The following CNTN4 variants were observed in gnomAD, a reference collection of about 807,000 sequenced individuals.
CNTN4 encodes the protein contactin 4.
In CNTN4, 77 loss-of-function variants were observed where a neutral mutation model predicts 122.5. That is an observed-to-expected ratio of 0.63 (90% CI 0.52 to 0.76). The LOEUF (loss-of-function observed/expected upper bound fraction) is 0.76. Ranked by LOEUF, CNTN4 falls within the 30% of genes least tolerant of loss-of-function variation. The pLI is 0.00. For missense variants in CNTN4, 1,256 were observed against 1,259.1 expected, an observed-to-expected ratio of 1.00 and a Z score of 0.04; for synonymous variants, 512 against 447.0, an observed-to-expected ratio of 1.15 and a Z score of -1.83.
intron 6 of CNTN4, among the ~76,000 whole-genome samples, chr3:2,784,966 A>G (rs1337427662): frequency 6.6e-6 from 1 of 152,200 alleles, no homozygotes. Context: ...ATACTTGAGT[A>G]GTTCCTGCTT....
At chr3:2,485,565 G>A (rs1311449899) in intron 3 of CNTN4, among the ~76,000 whole-genome samples, 1 of 152,120 alleles carries the variant, frequency 6.6e-6, no homozygotes, top group East Asian at 1.9e-4. Flanking sequence ...TCGGCACTCT[G>A]TGTCTAGTTC....
At chr3:2,102,211 C>G (rs2032036050) in intron 2 of CNTN4, among the ~76,000 whole-genome samples, 1 of 152,176 alleles carries the variant, frequency 6.6e-6, no homozygotes, top group Non-Finnish European at 1.5e-5. Context: ...AGGACACTTT[C>G]CACATTGCAG....
At chr3:3,000,466 A>G (rs1695927336) in intron 14 of CNTN4, among the ~76,000 whole-genome samples, 1 of 152,246 alleles carries the variant, frequency 6.6e-6, no homozygotes. Flanking sequence ...ATCAGAGGGC[A>G]GTACCATAAG....
chr3:2,163,200 A>G (rs1336143728), intron 2 of CNTN4, among the ~76,000 whole-genome samples: 1 of 152,212 alleles, frequency 6.6e-6, no homozygotes, highest in African/African-American at 2.4e-5. Context: ...ATAAAGCCAA[A>G]TACTCATAGC....
intron 2 of CNTN4, among the ~76,000 whole-genome samples, chr3:2,116,947 A>G (rs2033395131): frequency 6.6e-6 from 1 of 152,122 alleles, no homozygotes; most frequent in African/African-American, 2.4e-5. Flanking sequence ...AATAGAGAAG[A>G]TTTTTGTGAC....
chr3:2,288,469 G>A (rs963305320), intron 2 of CNTN4, among the ~76,000 whole-genome samples: 2 of 152,226 alleles, frequency 1.3e-5, no homozygotes, highest in Middle Eastern at 6.8e-3. Flanking sequence ...CATTTTTGAG[G>A]TATCTATCTC....
intron 13 of CNTN4, among the ~76,000 whole-genome samples, chr3:2,950,116 C>A (rs573437667): frequency 1.3e-5 from 2 of 152,334 alleles, no homozygotes; most frequent in South Asian, 4.1e-4. Flanking sequence ...AGTTGTCGAA[C>A]ATGTGGACTT....
intron 4 of CNTN4, among the ~76,000 whole-genome samples, chr3:2,637,203 A>G (rs190887921): frequency 2.0e-5 from 3 of 151,990 alleles, no homozygotes; most frequent in African/African-American, 7.2e-5. Context: ...TGGCTTTTCA[A>G]AGTGCTAGGA....
Position 2,833,761 on chromosome 3 carries a change from C to A in CNTN4, c.454+14180C>A, listed in dbSNP as rs375444720. Among the ~76,000 whole-genome samples the A allele has an allele frequency of 2.1e-3, 318 of 152,236 alleles. 3 individuals carry two copies. The Middle Eastern group carries it at 0.027, about 13-fold the overall frequency. On this transcript the variant is annotated intron_variant, in intron 7 of 24. Transcript: ENST00000418658. ...TTAAAAAATAATTCCAATGACATAACTTTACTTGGGTTCAGCATATGACCT... is the reference window on the plus strand; with the variant it reads ...TTAAAAAATAATTCCAATGACATAAATTTACTTGGGTTCAGCATATGACCT...
At chr3:2,606,576 C>A (rs1303381260) in intron 4 of CNTN4, among the ~76,000 whole-genome samples, 2 of 152,182 alleles carry the variant, frequency 1.3e-5, no homozygotes, top group African/African-American at 4.8e-5. Context: ...ATTTAGGAAG[C>A]TATTGTGTTA....
chr3:2,798,431 A>G (rs141348118), intron 6 of CNTN4, among the ~76,000 whole-genome samples: 2 of 138,526 alleles, frequency 1.4e-5, no homozygotes, highest in East Asian at 4.3e-4. Context: ...TTATCCAATC[A>G]TCTGTTGATA....
intron 4 of CNTN4, among the ~76,000 whole-genome samples, chr3:2,620,449 A>G (rs2149919291): frequency 6.6e-6 from 1 of 152,306 alleles, no homozygotes; most frequent in Non-Finnish European, 1.5e-5. Context: ...GCAGTCAGCC[A>G]TGATCGTGCC....
chr3:2,525,594 T>C (rs1449056465), intron 3 of CNTN4, among the ~76,000 whole-genome samples: 3 of 152,144 alleles, frequency 2.0e-5, no homozygotes, highest in Non-Finnish European at 2.9e-5. Context: ...GGTGTAAAAA[T>C]ACAGTATTTT....
At position 2,266,641 on chromosome 3, in the gene CNTN4, C is replaced by T. The variant is rs574437352; in HGVS notation, c.-144-72537C>T. The stretch of plus-strand genomic sequence containing the variant: ...CTAGGATCAAATTAATTAAAAGTCA[C>T]ATTTATTGAGCCCTGCCATTGAAGA... On this transcript the variant is annotated intron_variant, in intron 2 of 24. Coordinates refer to ENST00000418658, the MANE Select transcript of CNTN4 (RefSeq NM_175607.3). Among the ~76,000 whole-genome samples, 7 of 152,034 alleles carry T rather than the reference C, an allele frequency of 4.6e-5. No individual in the cohort carries two copies. In the South Asian group the frequency reaches 1.5e-3, roughly 32 times the overall value.
At chr3:2,480,882 A>G (rs1381617047) in intron 3 of CNTN4, among the ~76,000 whole-genome samples, 2 of 152,198 alleles carry the variant, frequency 1.3e-5, no homozygotes, top group African/African-American at 2.4e-5. Flanking sequence ...ACAGTGTGGT[A>G]TTGTTGAAAG....
In CNTN4 at chr3:2,490,348, A is replaced by G. The variant is rs570525489; in HGVS notation, c.-88-81068A>G. ...TGAAGTACCACCTAGTTAGTCTCCA[A>G]CTATGCTCAGCTGCCTACCTAGGTT... On this transcript the variant is annotated intron_variant, in intron 3 of 24. Transcript: ENST00000418658. Among the ~76,000 whole-genome samples, 192 of 152,248 alleles carry G rather than the reference A, an allele frequency of 1.3e-3. 1 individual carries two copies. Among genetic ancestry groups the G allele is most frequent in the South Asian group, 6.2e-4 (3 of 4,826 alleles).
At chr3:2,772,915 T>G (rs888099303) in intron 6 of CNTN4, among the ~76,000 whole-genome samples, 17 of 151,890 alleles carry the variant, frequency 1.1e-4, no homozygotes. Flanking sequence ...AGAGAAGAGA[T>G]AGGAATCAGG....
chr3:2,262,153 A>G (rs2040858502), intron 2 of CNTN4, among the ~76,000 whole-genome samples: 1 of 152,102 alleles, frequency 6.6e-6, no homozygotes, highest in Admixed American at 6.6e-5. Flanking sequence ...TTTATGGAAA[A>G]CTCACACTAT....
At chr3:2,223,695 A>G (rs111564992) in intron 2 of CNTN4, among the ~76,000 whole-genome samples, 167 of 152,318 alleles carry the variant, frequency 1.1e-3, no homozygotes, top group Non-Finnish European at 1.7e-3. Context: ...GTGGATCACC[A>G]TGCCTAGACT....
Sources: gnomAD v4.1 joint callset for allele counts (sites outside exome capture counted in the v4.1 genomes callset) on GRCh38, gnomAD v4.1.1 for gene constraint, MANE v1.5 for transcripts, NCBI Gene and HGNC (gene_info 2026-07-23, HGNC 2026-07-21) for gene names.